The following H2AC19 variants were observed in gnomAD, a reference collection of about 807,000 sequenced individuals.
H2AC19 encodes the protein H2A clustered histone 19, also known as histone H2A type 2-A.
Position 149,851,090 on chromosome 1 carries a change from C to CA in H2AC19, c.-24_-23insA, listed in dbSNP as rs1553757770. 2.2e-3 allele frequency: 3 copies of CA among 1,368 alleles called. No individual in the cohort carries two copies. Among genetic ancestry groups the CA allele is most frequent in the South Asian group, 0.01 (3 of 300 alleles). The allele number at this position is 1,368 out of a possible 1,614,324, so 0.1% of individuals were successfully genotyped here. On this transcript the variant is annotated 5_prime_UTR_variant, in exon 1 of 1. Coordinates refer to ENST00000607355, the MANE Select transcript of H2AC19 (RefSeq NM_001040874.1). ...TTTCCCGATCGCCAGGCAGGAGTTT[C>CA]TCTCGGTGACTACTATCGCTGTCAT... is the stretch of plus-strand genomic sequence containing the variant.
Sources: allele counts gnomAD v4.1 joint callset, GRCh38; gene constraint gnomAD v4.1.1; transcripts MANE v1.5; gene names NCBI Gene and HGNC (gene_info 2026-07-23, HGNC 2026-07-21).